The following ADGRL3 variants were observed in gnomAD, a reference collection of about 807,000 sequenced individuals.
ADGRL3 encodes the protein calcium-independent alpha-latrotoxin receptor 3.
Under a neutral mutation model 153.5 loss-of-function variants are expected in ADGRL3, and 62 were observed. The ratio of observed to expected loss-of-function variants is 0.40; its 90% confidence interval spans 0.33 to 0.50. The LOEUF (loss-of-function observed/expected upper bound fraction) is 0.50, where lower values mean the gene tolerates loss of function less well. Among genes scored for constraint, ADGRL3 ranks in the 20% least tolerant of loss-of-function variants. The pLI is 0.47. For synonymous variants in ADGRL3, 710 were observed against 672.5 expected (o/e 1.06, Z -0.86); for missense variants, 1,641 against 1,859.4 (o/e 0.88, Z 2.16).
At chr4:61,986,780 T>G (rs1299366878) in intron 19 of ADGRL3, among the ~76,000 whole-genome samples, 1 of 152,176 alleles carries the variant, frequency 6.6e-6, no homozygotes, top group Non-Finnish European at 1.5e-5. Flanking sequence ...ACATTGTAAA[T>G]AAATTGTCCA....
At chr4:61,828,606 C>T (rs1010613470) in intron 9 of ADGRL3, among the ~76,000 whole-genome samples, 3 of 152,092 alleles carry the variant, frequency 2.0e-5, no homozygotes, top group South Asian at 2.1e-4. Context: ...TTTATAAAAT[C>T]GACCCAGCTG....
chr4:61,604,432 C>T (rs989196487), intron 5 of ADGRL3, among the ~76,000 whole-genome samples: 1 of 152,028 alleles, frequency 6.6e-6, no homozygotes, highest in African/African-American at 2.4e-5. Flanking sequence ...CAAAGAAATA[C>T]CATAATATTT....
chr4:61,813,184 G>A (rs2097650064), intron 8 of ADGRL3, among the ~76,000 whole-genome samples: 1 of 152,064 alleles, frequency 6.6e-6, no homozygotes, highest in African/African-American at 2.4e-5. Flanking sequence ...CACGAGGTCA[G>A]GAGTTCAAGA....
At chr4:61,452,852 G>A (rs571215524) in intron 2 of ADGRL3, among the ~76,000 whole-genome samples, 1 of 151,870 alleles carries the variant, frequency 6.6e-6, no homozygotes, top group Non-Finnish European at 1.5e-5. Flanking sequence ...CATGTAAAAT[G>A]GCTTGGTAAT....
chr4:61,404,640 A>T (rs2096971215), intron 2 of ADGRL3, among the ~76,000 whole-genome samples: 2 of 152,112 alleles, frequency 1.3e-5, no homozygotes, highest in African/African-American at 2.4e-5. Flanking sequence ...TGTCAATTTT[A>T]AAAAATTACC....
rs116626578 is a variant in ADGRL3 at position 61,955,540 on chromosome 4, T to C, written c.2805+7264T>C. Among the ~76,000 whole-genome samples, 1,507 of 152,272 alleles carry C rather than the reference T, an allele frequency of 9.9e-3. 22 individuals are homozygous for C. The highest frequency in any genetic ancestry group is 0.034 in the African/African-American group (1,406 of 41,554). On this transcript the variant is annotated intron_variant, in intron 17 of 26. Transcript: ENST00000683033. ...GATGAATTTCTGCTGGGGGAAGTCATTTCAATAAAGAAACACCTCTCAATT... is the reference window on the plus strand; with the variant it reads ...GATGAATTTCTGCTGGGGGAAGTCACTTCAATAAAGAAACACCTCTCAATT...
At chr4:61,894,116 C>G (rs141926920) in intron 10 of ADGRL3, among the ~76,000 whole-genome samples, 4 of 152,084 alleles carry the variant, frequency 2.6e-5, no homozygotes, top group African/African-American at 4.8e-5. Context: ...CTTATTGTTA[C>G]GTACATTGGT....
chr4:61,317,840 A>C (rs929625596), intron 1 of ADGRL3, among the ~76,000 whole-genome samples: 2 of 152,186 alleles, frequency 1.3e-5, no homozygotes, highest in Non-Finnish European at 2.9e-5. Flanking sequence ...AACCCAGTAC[A>C]AAAACTTACA....
intron 2 of ADGRL3, among the ~76,000 whole-genome samples, chr4:61,482,869 G>A (rs1488228177): frequency 6.6e-6 from 1 of 152,110 alleles, no homozygotes; most frequent in African/African-American, 2.4e-5. Flanking sequence ...ATGGGTTGCT[G>A]CTTGGCCTAA....
intron 9 of ADGRL3, among the ~76,000 whole-genome samples, chr4:61,888,309 G>C (rs1282080885): frequency 6.6e-6 from 1 of 152,116 alleles, no homozygotes; most frequent in Non-Finnish European, 1.5e-5. Context: ...ATAACACATA[G>C]TTTTATTAAG....
At position 61,602,974 on chromosome 4, in the gene ADGRL3, A is replaced by G. The variant is rs530208266; in HGVS notation, c.473+15534A>G. Among the ~76,000 whole-genome samples the G allele has an allele frequency of 5.9e-5, 9 of 152,294 alleles. 2 individuals carry two copies. The highest frequency in any genetic ancestry group is 2.2e-4 in the African/African-American group (9 of 41,578). On this transcript the variant is annotated intron_variant, in intron 5 of 26. Transcript: ENST00000683033. ...ATGTAGCATATCATATCACCTACAA[A>G]TCATTCCTTTGGCCTGGGTATTGAA...
intron 1 of ADGRL3, among the ~76,000 whole-genome samples, chr4:61,290,663 AAAGGAAGGAAGG>A (rs35577402): frequency 6.8e-6 from 1 of 146,044 alleles, no homozygotes; most frequent in Non-Finnish European, 1.5e-5. Context: ...AGGAAGGAAG[AAAGGAAGGAAGG>A]AAGGAAGGAA....
chr4:61,584,360 A>G (rs1025252153), intron 4 of ADGRL3, among the ~76,000 whole-genome samples: 8 of 151,968 alleles, frequency 5.3e-5, no homozygotes, highest in African/African-American at 1.9e-4. Context: ...TCATTCTTAC[A>G]AGTCCAAAAG....
chr4:61,883,497 A>T (rs2149499769), intron 9 of ADGRL3, among the ~76,000 whole-genome samples: 1 of 152,280 alleles, frequency 6.6e-6, no homozygotes, highest in South Asian at 2.1e-4. Context: ...TATTTCCATT[A>T]TTCTCCTCAA....
chr4:61,547,587 G>C (rs1210040098), intron 4 of ADGRL3, among the ~76,000 whole-genome samples: 2 of 129,648 alleles, frequency 1.5e-5, no homozygotes, highest in South Asian at 2.9e-4. Context: ...CAAAGAACAT[G>C]GTCTCATTCT....
intron 1 of ADGRL3, among the ~76,000 whole-genome samples, chr4:61,216,199 CTT>C (rs1246372841): frequency 6.6e-6 from 1 of 152,068 alleles, no homozygotes; most frequent in East Asian, 1.9e-4. Context: ...ATTAGACTAT[CTT>C]TTTGTGATGG....
At position 61,311,114 on chromosome 4, in the gene ADGRL3, AC is replaced by A. The variant is rs200250324; in HGVS notation, c.-239-72009del. ...CTGAGTGATGCTGACAAAAACACAA[AC>A]AAAATCCTAATATTTTTAGTATATT... On this transcript the variant is annotated intron_variant, in intron 1 of 26. Transcript: ENST00000683033. 9.2e-5 allele frequency among the ~76,000 whole-genome samples: 14 copies of A among 152,240 alleles called. No homozygotes were observed. In the East Asian group the frequency reaches 2.5e-3, roughly 27 times the overall value.
chr4:61,515,313 A>C (rs1465501597), intron 3 of ADGRL3, among the ~76,000 whole-genome samples: 1 of 152,238 alleles, frequency 6.6e-6, no homozygotes, highest in Non-Finnish European at 1.5e-5. Context: ...TAATGACTTT[A>C]AATCTCACTG....
intron 25 of ADGRL3, among the ~76,000 whole-genome samples, chr4:62,060,649 G>A (rs1739589470): frequency 2.0e-5 from 3 of 151,860 alleles, no homozygotes; most frequent in African/African-American, 7.2e-5. Flanking sequence ...AATACGCTAT[G>A]CAGACTAAAT....
Sources: allele counts gnomAD v4.1 joint callset (sites outside exome capture counted in the v4.1 genomes callset), GRCh38; gene constraint gnomAD v4.1.1; transcripts MANE v1.5; gene names NCBI Gene and HGNC (gene_info 2026-07-23, HGNC 2026-07-21).